Variants in CDC42BPA observed in about 807,000 individuals in gnomAD.
CDC42BPA encodes the protein CDC42 binding protein kinase alpha, also known as serine/threonine-protein kinase MRCK alpha.
In CDC42BPA, 80 loss-of-function variants were observed where a neutral mutation model predicts 223.5. The ratio of observed to expected loss-of-function variants is 0.36; its 90% confidence interval spans 0.30 to 0.43. The LOEUF is 0.43. Ranked by LOEUF, CDC42BPA falls within the 20% of genes least tolerant of loss-of-function variation. The pLI, the probability that CDC42BPA is intolerant of heterozygous loss-of-function variation, is 1.00. For synonymous variants in CDC42BPA, 694 were observed against 718.6 expected (o/e 0.97, Z 0.55); for missense variants, 1,743 against 2,099.9 (o/e 0.83, Z 3.32).
At chr1:227,059,990 T>A (rs868776629) in intron 21 of CDC42BPA, among the ~76,000 whole-genome samples, 3 of 151,356 alleles carry the variant, frequency 2.0e-5, no homozygotes, top group Admixed American at 1.3e-4. Context: ...AATTAAGTAA[T>A]TAGGAAAAAA....
chr1:227,085,814 A>G (rs1224362223), intron 16 of CDC42BPA, among the ~76,000 whole-genome samples: 2 of 152,162 alleles, frequency 1.3e-5, no homozygotes, highest in African/African-American at 2.4e-5. Flanking sequence ...ATAGTTTACC[A>G]GTTTTTTTTC....
intron 20 of CDC42BPA, among the ~76,000 whole-genome samples, chr1:227,070,656 C>A (rs1468387069): frequency 6.6e-6 from 1 of 151,774 alleles, no homozygotes; most frequent in South Asian, 2.1e-4. Context: ...GTGTGCCAGA[C>A]ACTGTCCTAG....
intron 16 of CDC42BPA, among the ~76,000 whole-genome samples, chr1:227,083,304 C>T (rs1344567074): frequency 1.3e-5 from 2 of 151,934 alleles, no homozygotes; most frequent in Admixed American, 1.3e-4. Flanking sequence ...ATATGCAGTC[C>T]TTTTCTTTGT....
At chr1:227,056,543 A>G (rs933839764) in intron 21 of CDC42BPA, among the ~76,000 whole-genome samples, 1 of 152,110 alleles carries the variant, frequency 6.6e-6, no homozygotes, top group African/African-American at 2.4e-5. Flanking sequence ...ATGTGCCACT[A>G]TGCCTGGCTA....
chr1:227,278,865 T>C (rs1184760042), intron 1 of CDC42BPA, among the ~76,000 whole-genome samples: 1 of 152,210 alleles, frequency 6.6e-6, no homozygotes. Context: ...TTTTTAGCAC[T>C]GTTAAGGCAT....
At chr1:227,179,983 G>A (rs749293691) in intron 5 of CDC42BPA, among the ~76,000 whole-genome samples, 11 of 152,214 alleles carry the variant, frequency 7.2e-5, no homozygotes, top group African/African-American at 2.4e-4. Flanking sequence ...CATGGAGGGC[G>A]GATCACTGGG....
chr1:227,164,970 G>A (rs931690738), intron 5 of CDC42BPA, among the ~76,000 whole-genome samples: 14 of 152,182 alleles, frequency 9.2e-5, no homozygotes, highest in Non-Finnish European at 1.5e-4. Context: ...CATGTTGGGG[G>A]TAGAGTGAGG....
chr1:227,265,296 G>C, intron 1 of CDC42BPA: 1 of 474,910 alleles, frequency 2.1e-6, no homozygotes, highest in East Asian at 3.8e-5. Flanking sequence ...GACACAAAAG[G>C]CTTCGTTTCC....
At chr1:227,013,841 G>A (rs957496504) in intron 34 of CDC42BPA, among the ~76,000 whole-genome samples, 1 of 151,904 alleles carries the variant, frequency 6.6e-6, no homozygotes, top group African/African-American at 2.4e-5. Context: ...TTTGTATCCT[G>A]CTACCCCTAC....
chr1:227,117,086 C>A (rs890520598), intron 12 of CDC42BPA, among the ~76,000 whole-genome samples: 5 of 152,132 alleles, frequency 3.3e-5, no homozygotes, highest in Non-Finnish European at 7.4e-5. Flanking sequence ...AACACAGACT[C>A]CTTATGTGTA....
intron 1 of CDC42BPA, among the ~76,000 whole-genome samples, chr1:227,296,625 G>C (rs1312049598): frequency 6.7e-6 from 1 of 148,376 alleles, no homozygotes; most frequent in Non-Finnish European, 1.5e-5. Flanking sequence ...AAAATCGCTT[G>C]AACTCAGGAG....
At chr1:227,063,358 A>G (rs1572570988) in intron 21 of CDC42BPA, among the ~76,000 whole-genome samples, 1 of 152,234 alleles carries the variant, frequency 6.6e-6, no homozygotes, top group Non-Finnish European at 1.5e-5. Flanking sequence ...GAAGGTATGC[A>G]CACAAGCAGA....
At chr1:227,015,099 G>A (rs1243865545) in intron 34 of CDC42BPA, among the ~76,000 whole-genome samples, 1 of 151,882 alleles carries the variant, frequency 6.6e-6, no homozygotes, top group Non-Finnish European at 1.5e-5. Flanking sequence ...AGGACTACAG[G>A]CACACATTAC....
intron 2 of CDC42BPA, among the ~76,000 whole-genome samples, chr1:227,251,749 G>A (rs1017609950): frequency 6.6e-6 from 1 of 152,116 alleles, no homozygotes; most frequent in Non-Finnish European, 1.5e-5. Context: ...GGAAATGACA[G>A]TAAGGATATG....
At chr1:227,238,566 T>C (rs1025867341) in intron 2 of CDC42BPA, among the ~76,000 whole-genome samples, 2 of 152,138 alleles carry the variant, frequency 1.3e-5, no homozygotes, top group African/African-American at 2.4e-5. Flanking sequence ...AAATCTAAAA[T>C]ATTTACTGTC....
At chr1:227,012,842 T>C (rs1410570740) in intron 34 of CDC42BPA, among the ~76,000 whole-genome samples, 1 of 152,146 alleles carries the variant, frequency 6.6e-6, no homozygotes, top group Non-Finnish European at 1.5e-5. Flanking sequence ...ATGCATATTA[T>C]TATTATTTTC....
At chr1:227,069,919 C>T in intron 20 of CDC42BPA, 66 bp from the exon 21 acceptor site, 1 of 1,064,836 alleles carries the variant, frequency 9.4e-7, no homozygotes. Context: ...GGATAACCTT[C>T]CCTGTCTGAA....
intron 1 of CDC42BPA, among the ~76,000 whole-genome samples, chr1:227,308,181 T>C (rs996718279): frequency 6.6e-6 from 1 of 152,212 alleles, no homozygotes; most frequent in Non-Finnish European, 1.5e-5. Context: ...ATAAATGGCA[T>C]TTTAATTATT....
intron 24 of CDC42BPA, among the ~76,000 whole-genome samples, chr1:227,039,202 T>C (rs1670892961): frequency 6.6e-6 from 1 of 152,144 alleles, no homozygotes; most frequent in Admixed American, 6.5e-5. Flanking sequence ...CAGTTAATAA[T>C]GTAAAGGAGA....
Sources: gnomAD v4.1 joint callset for allele counts (sites outside exome capture counted in the v4.1 genomes callset) on GRCh38, gnomAD v4.1.1 for gene constraint, MANE v1.5 for transcripts, NCBI Gene and HGNC (gene_info 2026-07-23, HGNC 2026-07-21) for gene names.